The following CEACAM21 variants were observed in gnomAD, a reference collection of about 807,000 sequenced individuals.
CEACAM21 encodes the protein cell adhesion molecule CEACAM21.
A neutral mutation model predicts 33.2 loss-of-function variants in CEACAM21; 38 were observed. That is an observed-to-expected ratio of 1.14 (90% CI 0.88 to 1.50). The LOEUF (loss-of-function observed/expected upper bound fraction) is 1.50. CEACAM21 is among the 40% of genes most tolerant of loss of function. The pLI is 0.00. For synonymous variants in CEACAM21, 156 were observed against 143.0 expected, an observed-to-expected ratio of 1.09 and a Z score of -0.65; for missense variants, 385 against 364.6, an observed-to-expected ratio of 1.06 and a Z score of -0.46.
intron 1 of CEACAM21, among the ~76,000 whole-genome samples, chr19:41,555,664 T>G (rs117166918): frequency 0.028 from 4,202 of 152,118 alleles, 145 homozygotes; most frequent in Non-Finnish European, 0.043. Flanking sequence ...ACACAATTTT[T>G]CCACACTGCA....
rs1555795577 is a variant in CEACAM21 at position 41,586,495 on chromosome 19, G to A, written c.*32G>A. ...CTACACTCTGACACAAACATTTACT[G>A]CTGGATCGACCACAAAGCAGATGTG... On this transcript the variant is annotated 3_prime_UTR_variant, in exon 7 of 7. Coordinates refer to ENST00000401445, the MANE Select transcript of CEACAM21 (RefSeq NM_001098506.4). The A allele has an allele frequency of 1.6e-6, 1 of 638,710 alleles. No individual in the cohort carries two copies. The highest frequency in any genetic ancestry group is 4.1e-5 in the East Asian group (1 of 24,618). 39.6% of individuals were successfully genotyped at this position (638,710 alleles called of 1,614,324 possible).
intron 2 of CEACAM21, among the ~76,000 whole-genome samples, chr19:41,578,981 C>T (rs1157093942): frequency 2.0e-5 from 3 of 152,072 alleles, no homozygotes; most frequent in Non-Finnish European, 4.4e-5. Flanking sequence ...ATGTAGGATC[C>T]TAGGAGGAGC....
chr19:41,584,171 C>T (rs1555794299), intron 3 of CEACAM21, among the ~76,000 whole-genome samples, 176 bp from the exon 4 acceptor site: 1 of 152,170 alleles, frequency 6.6e-6, no homozygotes, highest in African/African-American at 2.4e-5. Context: ...GCCTAAGACA[C>T]AGAAAATGGT....
At chr19:41,581,135 T>G (rs1182856974) in intron 3 of CEACAM21, among the ~76,000 whole-genome samples, 1 of 152,222 alleles carries the variant, frequency 6.6e-6, no homozygotes, top group African/African-American at 2.4e-5. Context: ...ATGGCCCTAA[T>G]GCCCAAGCTG....
upstream of CEACAM21, among the ~76,000 whole-genome samples, chr19:41,574,047 A>G (rs1305002652): frequency 2.6e-5 from 4 of 152,210 alleles, no homozygotes; most frequent in Non-Finnish European, 5.9e-5. Flanking sequence ...AACCCTCACC[A>G]TTACAGCCCA....
At chr19:41,581,124 A>G (rs905826795) in intron 3 of CEACAM21, among the ~76,000 whole-genome samples, 2 of 152,354 alleles carry the variant, frequency 1.3e-5, no homozygotes, top group Middle Eastern at 3.4e-3. Flanking sequence ...ACATGTTCAT[A>G]ATGGCCCTAA....
At chr19:41,552,660 C>T (rs2041286582) in intron 1 of CEACAM21, among the ~76,000 whole-genome samples, 1 of 152,266 alleles carries the variant, frequency 6.6e-6, no homozygotes, top group South Asian at 2.1e-4. Context: ...GGAGATGGAG[C>T]ATTGTAATCT....
chr19:41,575,536 G>C (rs1184265198), upstream of CEACAM21, among the ~76,000 whole-genome samples: 1 of 152,118 alleles, frequency 6.6e-6, no homozygotes, highest in African/African-American at 2.4e-5. Flanking sequence ...AGTTAAGCTG[G>C]GGGCACAGAC....
chr19:41,564,433 C>T (rs1032447027), intron 1 of CEACAM21, among the ~76,000 whole-genome samples: 14 of 152,028 alleles, frequency 9.2e-5, no homozygotes, highest in Non-Finnish European at 1.8e-4. Flanking sequence ...CCTGCGTTAC[C>T]GTTCGGCAGG....
At chr19:41,579,686 G>A in intron 3 of CEACAM21, 58 bp downstream of exon 3, 1 of 1,238,948 alleles carries the variant, frequency 8.1e-7, no homozygotes, top group Non-Finnish European at 1.1e-6. Context: ...AGGAGGGAGG[G>A]GGGGTGTAAA....
At chr19:41,580,280 A>G (rs2043277415) in intron 3 of CEACAM21, among the ~76,000 whole-genome samples, 1 of 151,836 alleles carries the variant, frequency 6.6e-6, no homozygotes, top group Non-Finnish European at 1.5e-5. Flanking sequence ...ACAATCATCA[A>G]CACAGACACA....
intron 2 of CEACAM21, among the ~76,000 whole-genome samples, chr19:41,568,269 T>TA (rs568961343): frequency 7.3e-4 from 111 of 152,248 alleles, no homozygotes; most frequent in African/African-American, 2.6e-3. Flanking sequence ...CTTTGCTGTA[T>TA]AAAAGCTTTT....
chr19:41,578,717 C>T (rs1441598458), intron 2 of CEACAM21, among the ~76,000 whole-genome samples: 1 of 152,156 alleles, frequency 6.6e-6, no homozygotes, highest in Non-Finnish European at 1.5e-5. Context: ...GACTCAATGC[C>T]AGGATTGTCC....
intron 4 of CEACAM21, among the ~76,000 whole-genome samples, chr19:41,584,747 C>A (rs1467630414): frequency 1.3e-5 from 2 of 152,188 alleles, no homozygotes; most frequent in Non-Finnish European, 2.9e-5. Context: ...TACCTGGTAC[C>A]TCCCCCTGTT....
intron 1 of CEACAM21, among the ~76,000 whole-genome samples, chr19:41,557,639 C>G (rs1465347646): frequency 6.6e-6 from 1 of 152,160 alleles, no homozygotes; most frequent in Non-Finnish European, 1.5e-5. Flanking sequence ...ACTAGAAACT[C>G]TTTGGTAAGC....
intron 2 of CEACAM21, among the ~76,000 whole-genome samples, chr19:41,570,424 C>T (rs782371563): frequency 2.6e-5 from 4 of 152,168 alleles, no homozygotes; most frequent in Non-Finnish European, 5.9e-5. Context: ...TCATGTCCAC[C>T]TTCCCAAACT....
intron 1 of CEACAM21, among the ~76,000 whole-genome samples, chr19:41,555,718 A>C (rs2041488361): frequency 1.3e-5 from 2 of 149,262 alleles, no homozygotes; most frequent in African/African-American, 4.9e-5. Flanking sequence ...GCACAGCAAC[A>C]ATCAGCCCAC....
intron 2 of CEACAM21, among the ~76,000 whole-genome samples, chr19:41,579,016 T>TA (rs2043165174): frequency 6.6e-6 from 1 of 152,162 alleles, no homozygotes; most frequent in South Asian, 2.1e-4. Context: ...CCTTGTCCCT[T>TA]AGGGGCTGAG....
At chr19:41,565,592 A>G (rs1405223847) in intron 2 of CEACAM21, 2 of 135,644 alleles carry the variant, frequency 1.5e-5, no homozygotes, top group Non-Finnish European at 3.0e-5. Flanking sequence ...CGGCGCTATC[A>G]TAGCTCACTG....
Sources: gnomAD v4.1 joint callset for allele counts (sites outside exome capture counted in the v4.1 genomes callset) on GRCh38, gnomAD v4.1.1 for gene constraint, MANE v1.5 for transcripts, NCBI Gene and HGNC (gene_info 2026-07-23, HGNC 2026-07-21) for gene names.